The following FMNL2 variants were observed in gnomAD, a reference collection of about 807,000 sequenced individuals.
FMNL2 encodes the protein formin-like protein 2.
Under a neutral mutation model 130.2 loss-of-function variants are expected in FMNL2, and 51 were observed. The observed-to-expected ratio is 0.39, with a 90% confidence interval of 0.31 to 0.49. The LOEUF (loss-of-function observed/expected upper bound fraction) is 0.49. FMNL2 is among the 20% of genes least tolerant of loss of function. The probability of loss-of-function intolerance (pLI) is 0.85; values close to 1 mark genes in which losing one functional copy is unlikely to be tolerated. For synonymous variants in FMNL2, 465 were observed against 467.1 expected, an observed-to-expected ratio of 1.00 and a Z score of 0.06; for missense variants, 977 against 1,316.2, an observed-to-expected ratio of 0.74 and a Z score of 3.99.
At chr2:152,488,575 A>G (rs1341931885) in intron 1 of FMNL2, among the ~76,000 whole-genome samples, 2 of 152,256 alleles carry the variant, frequency 1.3e-5, no homozygotes, top group African/African-American at 2.4e-5. Flanking sequence ...CTTTGGATCC[A>G]GATTGCATAT....
At chr2:152,478,425 A>G (rs1690290241) in intron 1 of FMNL2, among the ~76,000 whole-genome samples, 1 of 151,612 alleles carries the variant, frequency 6.6e-6, no homozygotes, top group Non-Finnish European at 1.5e-5. Flanking sequence ...TTTAGTAGAG[A>G]CGGGGTTTTA....
chr2:152,620,695 CCCAATCT>C (rs1488783180), intron 15 of FMNL2, among the ~76,000 whole-genome samples: 4 of 152,182 alleles, frequency 2.6e-5, no homozygotes, highest in African/African-American at 9.7e-5. Context: ...GTAAAGATTT[CCCAATCT>C]CCATCCCTTC....
intron 6 of FMNL2, among the ~76,000 whole-genome samples, chr2:152,568,088 C>T (rs1030420040): frequency 1.3e-5 from 2 of 152,104 alleles, no homozygotes; most frequent in Non-Finnish European, 2.9e-5. Flanking sequence ...GAAAGACAGA[C>T]ATATACACAA....
chr2:152,542,038 G>A (rs1403939980), intron 2 of FMNL2, among the ~76,000 whole-genome samples: 4 of 152,130 alleles, frequency 2.6e-5, no homozygotes, highest in Non-Finnish European at 5.9e-5. Flanking sequence ...TGTTAGAAAT[G>A]TTGATTCTTG....
Position 152,640,820 on chromosome 2 carries a change from G to A in FMNL2, c.3075G>A (p.Gln1025=), listed in dbSNP as rs1473447799. 2 of 1,613,640 alleles carry A rather than the reference G, an allele frequency of 1.2e-6. No homozygotes were observed. Among genetic ancestry groups the A allele is most frequent in the East Asian group, 2.2e-5 (1 of 44,866 alleles). ...CTTCTCATAAATCAAAGAGGCAGCA[G>A]CAAGAGTTAATTGCAGAATTAAGAA... ...KSPSHKSKRQ[Q]QELIAELRRR... Residue 1025 remains glutamine (Q), a synonymous_variant, in exon 25 of 26, where the codon CAG becomes CAA. Coordinates refer to ENST00000288670, the MANE Select transcript of FMNL2 (RefSeq NM_052905.4).
chr2:152,412,462 AT>A (rs1471412671), intron 1 of FMNL2, among the ~76,000 whole-genome samples: 7 of 9,024 alleles, frequency 7.8e-4, no homozygotes, highest in Non-Finnish European at 2.1e-3. Context: ...ATATATATAT[AT>A]ATATATATAT....
At chr2:152,615,611 G>A (rs760699565) in intron 12 of FMNL2, among the ~76,000 whole-genome samples, 11 of 152,154 alleles carry the variant, frequency 7.2e-5, no homozygotes, top group Non-Finnish European at 1.5e-4. Flanking sequence ...GCCATAGACT[G>A]ATTTGAATAT....
chr2:152,518,348 T>C (rs1174436955), intron 1 of FMNL2, among the ~76,000 whole-genome samples: 1 of 152,184 alleles, frequency 6.6e-6, no homozygotes, highest in Non-Finnish European at 1.5e-5. Context: ...GGTGAATGAT[T>C]ACCCAGTGGA....
At chr2:152,400,374 T>C (rs1685620465) in intron 1 of FMNL2, among the ~76,000 whole-genome samples, 1 of 151,992 alleles carries the variant, frequency 6.6e-6, no homozygotes, top group African/African-American at 2.4e-5. Flanking sequence ...TGGAGGAGGT[T>C]GCAGTGAGCT....
At chr2:152,628,017 G>C (rs2105924253) in intron 17 of FMNL2, among the ~76,000 whole-genome samples, 2 of 152,312 alleles carry the variant, frequency 1.3e-5, no homozygotes, top group Admixed American at 1.3e-4. Context: ...CCTGATTCCA[G>C]AGGCTTAGAG....
chr2:152,383,541 C>T (rs1317612912), intron 1 of FMNL2, among the ~76,000 whole-genome samples: 3 of 151,736 alleles, frequency 2.0e-5, no homozygotes, highest in Non-Finnish European at 2.9e-5. Flanking sequence ...TCGAGACCAG[C>T]CTGGGCAACA....
At chr2:152,397,688 A>G (rs529017639) in intron 1 of FMNL2, among the ~76,000 whole-genome samples, 1 of 151,862 alleles carries the variant, frequency 6.6e-6, no homozygotes, top group African/African-American at 2.4e-5. Context: ...ACCCAGAAGC[A>G]TGGACCTTTC....
At chr2:152,426,439 G>T (rs907421820) in intron 1 of FMNL2, among the ~76,000 whole-genome samples, 2 of 152,220 alleles carry the variant, frequency 1.3e-5, no homozygotes, top group East Asian at 3.8e-4. Context: ...TGTTCCAAAG[G>T]CAGGAGCCAT....
chr2:152,611,708 A>G (rs1698692843), intron 11 of FMNL2, 103 bp downstream of exon 11: 3 of 724,990 alleles, frequency 4.1e-6, no homozygotes, highest in African/African-American at 1.8e-5. Context: ...CTAAAGCTCT[A>G]TGCAGTCAAC....
intron 2 of FMNL2, among the ~76,000 whole-genome samples, chr2:152,523,250 A>T (rs528538483): frequency 6.6e-6 from 1 of 152,314 alleles, no homozygotes; most frequent in East Asian, 1.9e-4. Flanking sequence ...AAAAATTACC[A>T]TATGGACATG....
chr2:152,607,347 A>G lies in FMNL2; in HGVS notation c.885A>G (p.Gly295=), dbSNP rs1698427456. The G allele has an allele frequency of 6.2e-7, 1 of 1,613,452 alleles. No homozygotes were observed. The highest frequency in any genetic ancestry group is 1.7e-5 in the Admixed American group (1 of 59,984). The change falls in exon 10 of 26, where the codon GGA becomes GGG. Residue 295 remains glycine, a synonymous_variant. Coordinates refer to ENST00000288670, the MANE Select transcript of FMNL2 (RefSeq NM_052905.4). ...GAAAATGTGTGTTTCAGGTTTGTGG[A>G]GAAAAACAGCGCTTTGAGAAGTTGA... ...SAFDNFKEVC[G]EKQRFEKLME...
chr2:152,616,989 A>G, intron 12 of FMNL2, 102 bp from the exon 13 acceptor site: 1 of 887,068 alleles, frequency 1.1e-6, no homozygotes, highest in Non-Finnish European at 1.8e-6. Flanking sequence ...GAACACATGC[A>G]GGGCCCTGGT....
At chr2:152,496,879 C>G (rs933645144) in intron 1 of FMNL2, among the ~76,000 whole-genome samples, 3 of 151,806 alleles carry the variant, frequency 2.0e-5, no homozygotes, top group African/African-American at 7.3e-5. Context: ...CTTTTGGTAC[C>G]ATAAGATGTT....
At chr2:152,487,875 T>C (rs7592283) in intron 1 of FMNL2, among the ~76,000 whole-genome samples, 70,135 of 151,404 alleles carry the variant, frequency 0.46, 17,026 homozygotes, top group East Asian at 0.67. Context: ...GCAACCTCCA[T>C]CTCCTGGGTT....
Sources: gnomAD v4.1 joint callset for allele counts (sites outside exome capture counted in the v4.1 genomes callset) on GRCh38, gnomAD v4.1.1 for gene constraint, MANE v1.5 for transcripts, NCBI Gene and HGNC (gene_info 2026-07-23, HGNC 2026-07-21) for gene names.